PRDM2: variants seen among roughly 807,000 people sequenced by gnomAD.
PRDM2 encodes the protein PR/SET domain 2, also known as PR domain zinc finger protein 2.
In PRDM2, 30 loss-of-function variants were observed where a neutral mutation model predicts 130.0. The ratio of observed to expected loss-of-function variants is 0.23; its 90% CI spans 0.17 to 0.31. The LOEUF is 0.31. Ranked by LOEUF, PRDM2 falls within the 10% of genes least tolerant of loss-of-function variation. PRDM2 has a pLI of 1.00. For synonymous variants in PRDM2, 871 were observed against 782.4 expected, an observed-to-expected ratio of 1.11 and a Z score of -1.89; for missense variants, 2,011 against 2,108.4, an observed-to-expected ratio of 0.95 and a Z score of 0.90.
At chr1:13,797,398 C>T (rs1644938774) in intron 8 of PRDM2, among the ~76,000 whole-genome samples, 1 of 152,186 alleles carries the variant, frequency 6.6e-6, no homozygotes, top group South Asian at 2.1e-4. Flanking sequence ...TTTGATAGGC[C>T]TCAATGAACT....
chr1:13,818,881 A>C (rs988426781), intron 9 of PRDM2, among the ~76,000 whole-genome samples: 1 of 152,112 alleles, frequency 6.6e-6, no homozygotes, highest in Non-Finnish European at 1.5e-5. Context: ...CTGGAGTCTC[A>C]TGGAACAATG....
intron 8 of PRDM2, among the ~76,000 whole-genome samples, chr1:13,800,455 T>C (rs1644989228): frequency 6.6e-6 from 1 of 152,020 alleles, no homozygotes; most frequent in Non-Finnish European, 1.5e-5. Context: ...TCCACCATCA[T>C]TGTGTGCCAT....
At chr1:13,731,195 A>G in intron 3 of PRDM2, 78 bp downstream of exon 3, 1 of 1,126,688 alleles carries the variant, frequency 8.9e-7, no homozygotes, top group South Asian at 1.3e-5. Flanking sequence ...GGGGCATGTC[A>G]GGTAGGGAGC....
At chr1:13,745,104 C>T (rs1018358095) in intron 5 of PRDM2, among the ~76,000 whole-genome samples, 1 of 152,214 alleles carries the variant, frequency 6.6e-6, no homozygotes, top group Non-Finnish European at 1.5e-5. Flanking sequence ...CAAGTACTCT[C>T]CTATAGTAGT....
chr1:13,723,274 A>C (rs1240160997), intron 2 of PRDM2, among the ~76,000 whole-genome samples: 1 of 151,966 alleles, frequency 6.6e-6, no homozygotes, highest in Non-Finnish European at 1.5e-5. Flanking sequence ...TCTCTCCTAC[A>C]TCACTCTTTA....
At chr1:13,720,058 A>G (rs1642673959) in intron 2 of PRDM2, among the ~76,000 whole-genome samples, 1 of 152,162 alleles carries the variant, frequency 6.6e-6, no homozygotes, top group Admixed American at 6.5e-5. Flanking sequence ...GTTAGTTTTG[A>G]TCAAGTCAAT....
chr1:13,778,485 G>A lies in PRDM2; in HGVS notation c.690G>A (p.Val230=), dbSNP rs141684044. 9.3e-6 allele frequency: 15 copies of A among 1,614,048 alleles called. No homozygotes were observed. Among genetic ancestry groups the A allele is most frequent in the Admixed American group, 3.3e-5 (2 of 60,006 alleles). Residue 230 remains valine, a synonymous_variant, in exon 8 of 10, where the codon GTG becomes GTA. Transcript: ENST00000311066. ...ALEQPATLQE[V]ASQEVPPELA... is the part of the protein sequence containing the mutation. ...AGCAGCCGGCCACCCTCCAGGAGGTGGCCAGTCAGGAGGTGCCTCCAGAAC... is the reference window on the plus strand; with the variant it reads ...AGCAGCCGGCCACCCTCCAGGAGGTAGCCAGTCAGGAGGTGCCTCCAGAAC...
intron 1 of PRDM2, among the ~76,000 whole-genome samples, 181 bp downstream of exon 1, chr1:13,700,481 C>T (rs1402632286): frequency 6.7e-6 from 1 of 150,168 alleles, no homozygotes; most frequent in Non-Finnish European, 1.5e-5. Context: ...CGGGACGAGG[C>T]GCGGGCCTCC....
intron 9 of PRDM2, among the ~76,000 whole-genome samples, chr1:13,818,990 A>T (rs1472725577): frequency 2.0e-5 from 3 of 152,210 alleles, no homozygotes; most frequent in Non-Finnish European, 2.9e-5. Context: ...GAAGAGACAT[A>T]GGACGTGGCT....
At chr1:13,715,177 T>C (rs1292608123) in intron 1 of PRDM2, among the ~76,000 whole-genome samples, 1 of 152,206 alleles carries the variant, frequency 6.6e-6, no homozygotes, top group Non-Finnish European at 1.5e-5. Flanking sequence ...ACAGTATTGG[T>C]AAAAGAAAAA....
chr1:13,735,754 G>A lies in PRDM2; in HGVS notation c.231+2872G>A, dbSNP rs944598967. Among the ~76,000 whole-genome samples the A allele has an allele frequency of 3.9e-5, 6 of 152,014 alleles. No individual in the cohort carries two copies. The East Asian group carries it at 7.7e-4, about 20-fold the overall frequency. On this transcript the variant is annotated intron_variant, in intron 4 of 9. Transcript: ENST00000311066. ...CCCAAAGTCCATAGTTTACATTAGC[G>A]GTCACTGTTTCTGTTATATGTTCTA...
At chr1:13,775,097 G>A (rs1644446748) in intron 7 of PRDM2, among the ~76,000 whole-genome samples, 1 of 152,238 alleles carries the variant, frequency 6.6e-6, no homozygotes, top group South Asian at 2.1e-4. Flanking sequence ...TATACCATGA[G>A]CAAACAGTTC....
In PRDM2 at chr1:13,707,821, CTT is replaced by C. The variant is rs200792048; in HGVS notation, c.-66+7535_-66+7536del. On this transcript the variant is annotated intron_variant, in intron 1 of 9. Transcript: ENST00000311066. ...TCATGCAGGAAAATTGACAATAATT[CTT>C]TTTTTTTTTTTTTGTACTGTTGGAG... is the stretch of plus-strand genomic sequence containing the variant. Among the ~76,000 whole-genome samples the C allele has an allele frequency of 2.6e-3, 361 of 138,220 alleles. 3 individuals are homozygous for C. Among genetic ancestry groups the C allele is most frequent in the African/African-American group, 4.9e-3 (184 of 37,568 alleles). The allele number at this position is 138,220 out of a possible 152,430, so 90.7% of individuals were successfully genotyped here.
At chr1:13,798,257 T>A (rs1483644431) in intron 8 of PRDM2, among the ~76,000 whole-genome samples, 1 of 152,240 alleles carries the variant, frequency 6.6e-6, no homozygotes, top group East Asian at 1.9e-4. Context: ...GACCTACTTA[T>A]GTGACCCTAA....
intron 6 of PRDM2, among the ~76,000 whole-genome samples, chr1:13,760,080 C>G (rs1203633): frequency 0.17 from 26,308 of 151,900 alleles, 2,845 homozygotes; most frequent in Admixed American, 0.24. Context: ...TCCAGGAATT[C>G]AGGATAGAAG....
intron 2 of PRDM2, among the ~76,000 whole-genome samples, chr1:13,723,761 C>T (rs893118215): frequency 1.3e-5 from 2 of 152,218 alleles, no homozygotes; most frequent in African/African-American, 4.8e-5. Flanking sequence ...CCATGGCCAG[C>T]TGGGGCTGTA....
chr1:13,701,107 C>A lies in PRDM2; in HGVS notation c.-66+807C>A, dbSNP rs1213289583. Among the ~76,000 whole-genome samples the A allele has an allele frequency of 4.6e-5, 7 of 152,196 alleles. No homozygotes were observed. The East Asian group carries it at 1.3e-3, about 29-fold the overall frequency. On this transcript the variant is annotated intron_variant, in intron 1 of 9. Coordinates refer to ENST00000311066, the MANE Select transcript of PRDM2 (RefSeq NM_001393986.1). ...GCTGCGGCAAAGACCCCATAGTTAA[C>A]CGGGAAGTCCTGATTTCCTTAACTA...
intron 8 of PRDM2, among the ~76,000 whole-genome samples, chr1:13,793,792 T>C (rs576559793): frequency 2.0e-5 from 3 of 152,168 alleles, no homozygotes; most frequent in South Asian, 2.1e-4. Context: ...ACATAAAATA[T>C]AGTAACATGA....
intron 5 of PRDM2, among the ~76,000 whole-genome samples, chr1:13,747,714 T>G (rs1389631176): frequency 2.0e-5 from 3 of 148,328 alleles, no homozygotes; most frequent in Non-Finnish European, 4.4e-5. Flanking sequence ...CTAGAAGGTA[T>G]GTTGAAGTGA....
Sources: allele counts gnomAD v4.1 joint callset (sites outside exome capture counted in the v4.1 genomes callset), GRCh38; gene constraint gnomAD v4.1.1; transcripts MANE v1.5; gene names NCBI Gene and HGNC (gene_info 2026-07-23, HGNC 2026-07-21).